Variants in ADCY8 observed in about 807,000 individuals in gnomAD.
The protein encoded by ADCY8 is adenylate cyclase type 8.
Under a neutral mutation model 119.7 loss-of-function variants are expected in ADCY8, and 51 were observed. That is an observed-to-expected ratio of 0.43 (90% CI 0.34 to 0.54). The LOEUF (loss-of-function observed/expected upper bound fraction) is 0.54, where lower values mean the gene tolerates loss of function less well. ADCY8 is among the 20% of genes least tolerant of loss of function. ADCY8 has a pLI of 0.03. For missense variants in ADCY8, 1,383 were observed against 1,598.8 expected, an observed-to-expected ratio of 0.87 and a Z score of 2.30; for synonymous variants, 665 against 651.0, an observed-to-expected ratio of 1.02 and a Z score of -0.33.
intron 1 of ADCY8, among the ~76,000 whole-genome samples, chr8:131,015,812 A>G (rs764258948): frequency 1.2e-4 from 18 of 152,188 alleles, no homozygotes; most frequent in Non-Finnish European, 2.4e-4. Context: ...GCACATAGCT[A>G]GGTAGAGAGG....
At chr8:130,847,716 G>A (rs1216861421) in intron 10 of ADCY8, among the ~76,000 whole-genome samples, 1 of 152,088 alleles carries the variant, frequency 6.6e-6, no homozygotes, top group East Asian at 1.9e-4. Flanking sequence ...TAAAAAACAA[G>A]TGCTTGCTCA....
At chr8:131,007,509 C>A (rs973603205) in intron 1 of ADCY8, among the ~76,000 whole-genome samples, 8 of 152,128 alleles carry the variant, frequency 5.3e-5, no homozygotes, top group African/African-American at 1.9e-4. Context: ...TTCTCTCCCC[C>A]ACCAAAAAAA....
chr8:130,992,781 A>G (rs909778695), intron 1 of ADCY8, among the ~76,000 whole-genome samples: 10 of 152,084 alleles, frequency 6.6e-5, no homozygotes, highest in African/African-American at 2.2e-4. Flanking sequence ...TGAAGGGCCT[A>G]ACATACATAT....
chr8:130,870,791 A>G (rs1436447692), intron 8 of ADCY8, among the ~76,000 whole-genome samples: 7 of 152,326 alleles, frequency 4.6e-5, no homozygotes, highest in Non-Finnish European at 1.5e-5. Flanking sequence ...AATTTTCTTC[A>G]GATGGCAAAT....
At chr8:130,783,875 G>GAAAT (rs1328896703) in intron 16 of ADCY8, 70 bp from the exon 17 acceptor site, 1 of 1,272,494 alleles carries the variant, frequency 7.9e-7, no homozygotes, top group African/African-American at 1.5e-5. Context: ...TTCTGCAGCA[G>GAAAT]GGGCTTTACG....
intron 5 of ADCY8, among the ~76,000 whole-genome samples, chr8:130,925,899 A>C (rs1820451809): frequency 6.6e-6 from 1 of 152,108 alleles, no homozygotes; most frequent in South Asian, 2.1e-4. Flanking sequence ...GAATATCCCC[A>C]AACCAGTTTC....
chr8:130,997,845 C>A (rs1822826970), intron 1 of ADCY8, among the ~76,000 whole-genome samples: 1 of 152,120 alleles, frequency 6.6e-6, no homozygotes, highest in African/African-American at 2.4e-5. Flanking sequence ...TCCCTCCAAC[C>A]TACGGCTCTA....
chr8:130,990,873 C>T (rs548054598), intron 1 of ADCY8: 67 of 177,596 alleles, frequency 3.8e-4, no homozygotes, highest in Non-Finnish European at 6.7e-4. Context: ...CAGCAAAAGC[C>T]TCTGGCTTTT....
chr8:130,966,624 G>A (rs1821770886), intron 2 of ADCY8, among the ~76,000 whole-genome samples: 1 of 152,206 alleles, frequency 6.6e-6, no homozygotes, highest in African/African-American at 2.4e-5. Context: ...GTGATGGTAA[G>A]TGACAGCAAG....
At chr8:130,800,749 C>A (rs1182355937) in intron 14 of ADCY8, among the ~76,000 whole-genome samples, 177 bp from the exon 15 acceptor site, 1 of 152,142 alleles carries the variant, frequency 6.6e-6, no homozygotes, top group Non-Finnish European at 1.5e-5. Flanking sequence ...GCTGCTATAA[C>A]AAAATACCTT....
At chr8:130,929,375 A>C (rs1820565239) in intron 5 of ADCY8, among the ~76,000 whole-genome samples, 1 of 152,070 alleles carries the variant, frequency 6.6e-6, no homozygotes, top group Non-Finnish European at 1.5e-5. Flanking sequence ...ATTTTCCTTT[A>C]AGTTCCTTCA....
At chr8:130,988,376 C>G (rs1822469268) in intron 2 of ADCY8, among the ~76,000 whole-genome samples, 1 of 152,332 alleles carries the variant, frequency 6.6e-6, no homozygotes, top group Admixed American at 6.5e-5. Context: ...GAAGCCTACA[C>G]AGTATTTTAC....
chr8:131,000,725 A>T (rs1490405534), intron 1 of ADCY8, among the ~76,000 whole-genome samples: 1 of 152,128 alleles, frequency 6.6e-6, no homozygotes, highest in Non-Finnish European at 1.5e-5. Context: ...CTGCTGGACT[A>T]ACACAACGAC....
intron 8 of ADCY8, among the ~76,000 whole-genome samples, chr8:130,874,379 C>T (rs1015914547): frequency 6.6e-6 from 1 of 151,748 alleles, no homozygotes; most frequent in Non-Finnish European, 1.5e-5. Context: ...GGATACAAGG[C>T]ATAATTGCAA....
intron 2 of ADCY8, among the ~76,000 whole-genome samples, chr8:130,979,707 T>C (rs906795355): frequency 9.2e-5 from 14 of 152,192 alleles, no homozygotes; most frequent in African/African-American, 3.1e-4. Flanking sequence ...ATCTATAAAA[T>C]GGAGGTAAAA....
At chr8:131,025,165 A>T (rs1305515898) in intron 1 of ADCY8, among the ~76,000 whole-genome samples, 2 of 152,222 alleles carry the variant, frequency 1.3e-5, no homozygotes, top group African/African-American at 4.8e-5. Context: ...TTTTCAATAC[A>T]GTGTGCTTAT....
chr8:130,961,941 C>T (rs941949274), intron 2 of ADCY8, among the ~76,000 whole-genome samples: 1 of 152,166 alleles, frequency 6.6e-6, no homozygotes, highest in African/African-American at 2.4e-5. Context: ...TGCCACCGTA[C>T]TCCAGCCTGG....
intron 1 of ADCY8, among the ~76,000 whole-genome samples, chr8:131,035,451 A>G (rs2130815462): frequency 6.6e-6 from 1 of 152,326 alleles, no homozygotes; most frequent in South Asian, 2.1e-4. Flanking sequence ...TAGAGAAAAC[A>G]TAAACCATCT....
At chr8:131,011,749 C>T (rs1314926269) in intron 1 of ADCY8, among the ~76,000 whole-genome samples, 1 of 152,060 alleles carries the variant, frequency 6.6e-6, no homozygotes, top group African/African-American at 2.4e-5. Context: ...AGATGGGGTG[C>T]AAGAATTGGC....
Sources: gnomAD v4.1 joint callset for allele counts (sites outside exome capture counted in the v4.1 genomes callset) on GRCh38, gnomAD v4.1.1 for gene constraint, MANE v1.5 for transcripts, NCBI Gene and HGNC (gene_info 2026-07-23, HGNC 2026-07-21) for gene names.